The following ITGA9 variants were observed in gnomAD, a reference collection of about 807,000 sequenced individuals.
The protein encoded by ITGA9 is integrin alpha-9.
ITGA9 carries 56 observed loss-of-function variants against 127.8 expected under a neutral mutation model. That is an observed-to-expected ratio of 0.44 (90% CI 0.35 to 0.55). ITGA9 has a LOEUF of 0.55. ITGA9 is among the 20% of genes least tolerant of loss of function. ITGA9 has a pLI of 0.00. For missense variants in ITGA9, 1,196 were observed against 1,347.1 expected, an observed-to-expected ratio of 0.89 and a Z score of 1.76; for synonymous variants, 508 against 514.5, an observed-to-expected ratio of 0.99 and a Z score of 0.17.
chr3:37,507,998 A>T (rs1698863137), intron 7 of ITGA9, among the ~76,000 whole-genome samples: 1 of 152,246 alleles, frequency 6.6e-6, no homozygotes, highest in Non-Finnish European at 1.5e-5. Flanking sequence ...AAAGTTCCAC[A>T]GTCAAAGAAT....
intron 15 of ITGA9, among the ~76,000 whole-genome samples, chr3:37,620,826 C>G (rs1360321051): frequency 1.3e-5 from 2 of 152,214 alleles, no homozygotes; most frequent in African/African-American, 4.8e-5. Flanking sequence ...CTATTCTTCC[C>G]TCATTGGATT....
At chr3:37,630,495 T>C (rs1700220700) in intron 16 of ITGA9, among the ~76,000 whole-genome samples, 1 of 152,204 alleles carries the variant, frequency 6.6e-6, no homozygotes, top group African/African-American at 2.4e-5. Context: ...TGTCCTCACC[T>C]TGAGGCAAGA....
intron 16 of ITGA9, among the ~76,000 whole-genome samples, chr3:37,637,892 T>C (rs1700296097): frequency 6.6e-6 from 1 of 152,128 alleles, no homozygotes; most frequent in Non-Finnish European, 1.5e-5. Flanking sequence ...AGGCTGGTCT[T>C]GAACTCCTGA....
At chr3:37,748,980 A>G (rs1046125800) in intron 22 of ITGA9, 4 of 510,706 alleles carry the variant, frequency 7.8e-6, no homozygotes, top group African/African-American at 6.0e-5. Context: ...ACCCATTGAC[A>G]TAGCTTCTTG....
intron 15 of ITGA9, among the ~76,000 whole-genome samples, chr3:37,577,062 G>A (rs959078595): frequency 1.3e-5 from 2 of 152,240 alleles, no homozygotes; most frequent in Admixed American, 1.3e-4. Flanking sequence ...GGGTCGTCCA[G>A]TCCTTGGGCT....
At chr3:37,721,601 G>A (rs937398531) in intron 18 of ITGA9, among the ~76,000 whole-genome samples, 2 of 152,172 alleles carry the variant, frequency 1.3e-5, no homozygotes, top group South Asian at 4.2e-4. Flanking sequence ...TTTCAAGGAA[G>A]CAACTGGCTT....
At chr3:37,674,050 C>A (rs954158612) in intron 17 of ITGA9, among the ~76,000 whole-genome samples, 1 of 152,212 alleles carries the variant, frequency 6.6e-6, no homozygotes, top group Non-Finnish European at 1.5e-5. Context: ...GGCATTTACC[C>A]TGGCATTGTA....
At chr3:37,720,784 G>A (rs1265347014) in intron 18 of ITGA9, among the ~76,000 whole-genome samples, 1 of 152,182 alleles carries the variant, frequency 6.6e-6, no homozygotes, top group East Asian at 1.9e-4. Flanking sequence ...GGATTTAGGG[G>A]AGTGTTTTTG....
At chr3:37,463,859 A>G (rs991879177) in intron 1 of ITGA9, among the ~76,000 whole-genome samples, 1 of 152,200 alleles carries the variant, frequency 6.6e-6, no homozygotes, top group Non-Finnish European at 1.5e-5. Context: ...ATTAACCTAA[A>G]TAGCAAACAC....
chr3:37,785,075 G>A lies in ITGA9; in HGVS notation c.2886G>A (p.Val962=). The change falls in exon 26 of 28, where the codon GTG becomes GTA. Residue 962 remains valine (V), a synonymous_variant. Coordinates refer to ENST00000264741, the MANE Select transcript of ITGA9 (RefSeq NM_002207.3). The part of the protein sequence containing the change: ...VEIAHGNPEE[V]TVVFEALHNL... ...TAGCTCATGGGAACCCAGAAGAGGTGACGGTGAGTCAGCCACCCCAGGACA... is the reference window on the plus strand; with the variant it reads ...TAGCTCATGGGAACCCAGAAGAGGTAACGGTGAGTCAGCCACCCCAGGACA... 1 of 1,611,606 alleles carries A rather than the reference G, an allele frequency of 6.2e-7. No homozygotes were observed. The highest frequency in any genetic ancestry group is 8.5e-7 in the Non-Finnish European group (1 of 1,177,682).
chr3:37,690,964 A>G (rs976988151), intron 18 of ITGA9, among the ~76,000 whole-genome samples: 1 of 152,212 alleles, frequency 6.6e-6, no homozygotes, highest in African/African-American at 2.4e-5. Flanking sequence ...GCAGGGCAAC[A>G]CTAGGAAGAG....
At chr3:37,560,536 CA>C (rs1355575636) in intron 15 of ITGA9, among the ~76,000 whole-genome samples, 2 of 152,166 alleles carry the variant, frequency 1.3e-5, no homozygotes, top group African/African-American at 4.8e-5. Flanking sequence ...CACTGTCTTC[CA>C]CAATGGTTGA....
At chr3:37,492,506 A>C (rs1455838891) in intron 4 of ITGA9, among the ~76,000 whole-genome samples, 4 of 152,258 alleles carry the variant, frequency 2.6e-5, no homozygotes, top group Non-Finnish European at 5.9e-5. Flanking sequence ...CGGAAACCCG[A>C]GGTCCTGCTC....
chr3:37,524,903 A>G lies in ITGA9; in HGVS notation c.1328-1123A>G, dbSNP rs1699077711. Among the ~76,000 whole-genome samples, 3 of 152,240 alleles carry G rather than the reference A, an allele frequency of 2.0e-5. No individual in the cohort carries two copies. In the South Asian group the frequency reaches 6.2e-4, roughly 32 times the overall value. On this transcript the variant is annotated intron_variant, in intron 12 of 27. Transcript: ENST00000264741. Reference sequence around the variant, plus strand: ...ATTGACAAATTCATCAGGTTCTTTTATTTTTAAACATATAGCAAATTTAAA... The same window carrying G: ...ATTGACAAATTCATCAGGTTCTTTTGTTTTTAAACATATAGCAAATTTAAA...
chr3:37,470,773 G>A (rs528555631), intron 1 of ITGA9, among the ~76,000 whole-genome samples: 32 of 152,228 alleles, frequency 2.1e-4, no homozygotes, highest in African/African-American at 6.7e-4. Context: ...CAAAATGCTA[G>A]GATTACAGGC....
At chr3:37,543,403 C>T (rs1699296045) in intron 15 of ITGA9, among the ~76,000 whole-genome samples, 1 of 152,174 alleles carries the variant, frequency 6.6e-6, no homozygotes, top group Admixed American at 6.5e-5. Context: ...TAATTGTGAC[C>T]TCTCCCTGTC....
chr3:37,472,993 G>T (rs941686288), intron 2 of ITGA9, among the ~76,000 whole-genome samples: 5 of 151,776 alleles, frequency 3.3e-5, no homozygotes, highest in African/African-American at 1.2e-4. Flanking sequence ...ATGAACATTA[G>T]TGGGATGTGG....
chr3:37,542,682 C>G, intron 15 of ITGA9, 97 bp downstream of exon 15: 1 of 1,313,224 alleles, frequency 7.6e-7, no homozygotes, highest in African/African-American at 1.5e-5. Context: ...TATGTGTGCT[C>G]TTCCAAAATT....
intron 15 of ITGA9, among the ~76,000 whole-genome samples, chr3:37,594,703 G>A (rs975300319): frequency 6.6e-6 from 1 of 152,158 alleles, no homozygotes; most frequent in Admixed American, 6.5e-5. Flanking sequence ...GACTAAATGA[G>A]TAAACATTGA....
Sources: allele counts gnomAD v4.1 joint callset (sites outside exome capture counted in the v4.1 genomes callset), GRCh38; gene constraint gnomAD v4.1.1; transcripts MANE v1.5; gene names NCBI Gene and HGNC (gene_info 2026-07-23, HGNC 2026-07-21).